Variants in GRM5 observed in about 807,000 individuals in gnomAD.
The protein encoded by GRM5 is glutamate metabotropic receptor 5.
GRM5 carries 19 observed loss-of-function variants against 83.1 expected under a neutral mutation model. The ratio of observed to expected loss-of-function variants is 0.23; its 90% confidence interval spans 0.16 to 0.34. GRM5 has a LOEUF of 0.34. Among genes scored for constraint, GRM5 ranks in the 10% least tolerant of loss-of-function variants. The pLI, the probability that GRM5 is intolerant of heterozygous loss-of-function variation, is 1.00. For synonymous variants in GRM5, 675 were observed against 633.6 expected (o/e 1.07, Z -0.98); for missense variants, 1,160 against 1,588.3 (o/e 0.73, Z 4.58).
intron 7 of GRM5, among the ~76,000 whole-genome samples, chr11:88,570,844 G>C (rs962804922): frequency 6.6e-6 from 1 of 151,396 alleles, no homozygotes; most frequent in African/African-American, 2.4e-5. Flanking sequence ...TGGGATTACA[G>C]GCATGAGCCA....
Position 89,061,718 on chromosome 11 carries a change from C to T in GRM5, c.-201+4058G>A, listed in dbSNP as rs527759897. Reference sequence around the variant, plus strand: ...ATAAAGTGATAGTAAAGGCCTGTGTCTACCTATGGAAGAAAAGTGAAAAAC... The same window carrying T: ...ATAAAGTGATAGTAAAGGCCTGTGTTTACCTATGGAAGAAAAGTGAAAAAC... On this transcript the variant is annotated intron_variant, in intron 1 of 9. Transcript: ENST00000305447. Among the ~76,000 whole-genome samples, 19 of 152,286 alleles carry T rather than the reference C, an allele frequency of 1.2e-4. 1 individual carries two copies. In the South Asian group the frequency reaches 3.7e-3, roughly 30 times the overall value.
At chr11:88,845,894 A>T (rs553493004) in intron 3 of GRM5, among the ~76,000 whole-genome samples, 1 of 152,352 alleles carries the variant, frequency 6.6e-6, no homozygotes, top group African/African-American at 2.4e-5. Context: ...TGCTACATGT[A>T]AAGATAAAGA....
chr11:88,777,840 G>T (rs1037863685), intron 3 of GRM5, among the ~76,000 whole-genome samples: 12 of 152,068 alleles, frequency 7.9e-5, no homozygotes, highest in Admixed American at 2.6e-4. Flanking sequence ...CGTTTCAGAG[G>T]AGCAGCCACC....
chr11:88,987,676 C>A (rs1457992736), intron 2 of GRM5, among the ~76,000 whole-genome samples: 2 of 152,154 alleles, frequency 1.3e-5, no homozygotes, highest in African/African-American at 4.8e-5. Context: ...AATGGGCAGA[C>A]TGCCTCCTCA....
At chr11:88,577,316 T>G (rs528102952) in intron 7 of GRM5, among the ~76,000 whole-genome samples, 1 of 152,146 alleles carries the variant, frequency 6.6e-6, no homozygotes, top group Non-Finnish European at 1.5e-5. Flanking sequence ...CAAATGCTCA[T>G]GTTTATTACA....
At chr11:89,013,551 AC>A (rs1297795197) in intron 2 of GRM5, among the ~76,000 whole-genome samples, 3 of 152,286 alleles carry the variant, frequency 2.0e-5, no homozygotes, top group African/African-American at 7.2e-5. Flanking sequence ...CTCACACCTG[AC>A]AATTCTGTGT....
chr11:88,571,212 C>T (rs1034560081), intron 7 of GRM5, among the ~76,000 whole-genome samples: 6 of 152,088 alleles, frequency 3.9e-5, no homozygotes, highest in African/African-American at 1.4e-4. Flanking sequence ...TTTTTGAACT[C>T]TTCATGTTCA....
chr11:89,004,096 G>T (rs556347116), intron 2 of GRM5, among the ~76,000 whole-genome samples: 58 of 152,238 alleles, frequency 3.8e-4, no homozygotes, highest in Admixed American at 1.7e-3. Context: ...TCAGGGTGTT[G>T]AAGAGGTATA....
At chr11:88,841,663 G>T (rs1371046862) in intron 3 of GRM5, among the ~76,000 whole-genome samples, 1 of 152,148 alleles carries the variant, frequency 6.6e-6, no homozygotes, top group Non-Finnish European at 1.5e-5. Flanking sequence ...AAGGGCATCT[G>T]CAGCTGCAGA....
chr11:88,796,929 TG>T, intron 3 of GRM5, among the ~76,000 whole-genome samples: 1 of 145,996 alleles, frequency 6.8e-6, no homozygotes, highest in Admixed American at 6.7e-5. Flanking sequence ...TGTGTGTGTG[TG>T]TGTGTGTGTG....
intron 2 of GRM5, chr11:88,984,879 C>A (rs1004772716): frequency 9.1e-6 from 6 of 659,664 alleles, no homozygotes; most frequent in Admixed American, 5.1e-5. Context: ...ACACACCTGG[C>A]AAATCATGAA....
At position 88,509,024 on chromosome 11, in the gene GRM5, C is replaced by A; in HGVS notation, c.3207G>T (p.Thr1069=). 6.4e-7 allele frequency: 1 copy of A among 1,568,530 alleles called. No individual in the cohort carries two copies. Among genetic ancestry groups the A allele is most frequent in the East Asian group, 2.3e-5 (1 of 42,748 alleles). Residue 1069 remains threonine, a synonymous_variant, in exon 10 of 10, where the codon ACG becomes ACT. Transcript: ENST00000305447. ...EQISSVVTRF[T]ANISELNSMM... ...TGGAGTTGAGCTCGCTGATGTTGGCCGTGAAGCGGGTGACCACACTGCTGA... is the reference window on the plus strand; with the variant it reads ...TGGAGTTGAGCTCGCTGATGTTGGCAGTGAAGCGGGTGACCACACTGCTGA...
At chr11:88,591,063 C>T (rs1024404272) in intron 6 of GRM5, among the ~76,000 whole-genome samples, 3 of 152,188 alleles carry the variant, frequency 2.0e-5, no homozygotes, top group Non-Finnish European at 4.4e-5. Context: ...ACCCCAGGAT[C>T]TGCTCTGCTT....
intron 3 of GRM5, among the ~76,000 whole-genome samples, chr11:88,671,158 A>G (rs11020881): frequency 0.019 from 2,819 of 151,674 alleles, 60 homozygotes; most frequent in East Asian, 0.093. Flanking sequence ...AACAAGAAAC[A>G]TTCCAAAATC....
intron 3 of GRM5, among the ~76,000 whole-genome samples, chr11:88,829,393 G>A (rs951259299): frequency 1.3e-5 from 2 of 152,088 alleles, no homozygotes; most frequent in African/African-American, 2.4e-5. Flanking sequence ...TCTGGGAGGT[G>A]GAGGTTTCAG....
At chr11:88,800,737 T>A (rs188055499) in intron 3 of GRM5, among the ~76,000 whole-genome samples, 1 of 152,266 alleles carries the variant, frequency 6.6e-6, no homozygotes, top group African/African-American at 2.4e-5. Flanking sequence ...CAGTTCCTAA[T>A]GGCAATGACA....
intron 3 of GRM5, among the ~76,000 whole-genome samples, chr11:88,696,898 A>T (rs1200888020): frequency 6.6e-6 from 1 of 152,204 alleles, no homozygotes; most frequent in Non-Finnish European, 1.5e-5. Flanking sequence ...GTGTCAAATG[A>T]TTGTGAGATT....
rs78901319 is a variant in GRM5, at chr11:88,632,807, G to A, written c.1147+20361C>T. On this transcript the variant is annotated intron_variant, in intron 4 of 9. Transcript: ENST00000305447. ...CATTTTATATTCTCATCAACAGTAC[G>A]TGAGAATATTTGTTCCTCAACATTC... Among the ~76,000 whole-genome samples the A allele has an allele frequency of 5.9e-3, 892 of 152,204 alleles. 11 individuals are homozygous for A. The East Asian group carries it at 0.065, about 11-fold the overall frequency.
intron 3 of GRM5, among the ~76,000 whole-genome samples, chr11:88,819,954 A>C (rs1380413907): frequency 1.3e-5 from 2 of 152,138 alleles, no homozygotes; most frequent in Non-Finnish European, 2.9e-5. Flanking sequence ...TTCCATTATA[A>C]TATAATTAAT....
Sources: gnomAD v4.1 joint callset for allele counts (sites outside exome capture counted in the v4.1 genomes callset) on GRCh38, gnomAD v4.1.1 for gene constraint, MANE v1.5 for transcripts, NCBI Gene and HGNC (gene_info 2026-07-23, HGNC 2026-07-21) for gene names.